The following KDM2B variants were observed in gnomAD, a reference collection of about 807,000 sequenced individuals.
KDM2B encodes lysine demethylase 2B.
In KDM2B, 26 loss-of-function variants were observed where a neutral mutation model predicts 150.0. That is an observed-to-expected ratio of 0.17 (90% CI 0.13 to 0.24). KDM2B has a LOEUF of 0.24. Ranked by LOEUF, KDM2B falls within the 10% of genes least tolerant of loss-of-function variation. KDM2B has a pLI of 1.00. For missense variants in KDM2B, 1,265 were observed against 1,816.9 expected (o/e 0.70, Z 5.52); for synonymous variants, 734 against 729.5 (o/e 1.01, Z -0.10).
chr12:121,476,276 C>T (rs1555296767), intron 12 of KDM2B, among the ~76,000 whole-genome samples: 1 of 150,938 alleles, frequency 6.6e-6, no homozygotes, highest in Admixed American at 6.6e-5. Flanking sequence ...GCCTGAAGGA[C>T]GAGGGCGAGA....
upstream of KDM2B, among the ~76,000 whole-genome samples, chr12:121,581,745 C>T (rs538977147): frequency 1.3e-5 from 2 of 152,306 alleles, no homozygotes; most frequent in African/African-American, 4.8e-5. Flanking sequence ...AATTATGAAT[C>T]TGAATGATTG....
rs1873390654 is a variant in KDM2B at position 121,433,334 on chromosome 12, G to GC, written c.3830-2866dup. 3 of 389,794 alleles carry GC rather than the reference G, an allele frequency of 7.7e-6. No individual in the cohort carries two copies. The Admixed American group carries it at 9.3e-5, about 12-fold the overall frequency. 24.1% of individuals were successfully genotyped at this position (389,794 alleles called of 1,614,324 possible). A position where few individuals can be genotyped will look rare whatever the true frequency, so the allele number is the denominator to read the frequency against. Reference sequence around the variant, plus strand: ...GCGCGTGGGGCCCGCCTGCCCGCCCGCCAGCCTGTGGAGGAACATCACTTT... The same window carrying GC: ...GCGCGTGGGGCCCGCCTGCCCGCCCGCCCAGCCTGTGGAGGAACATCACTTT... On this transcript the variant is annotated intron_variant, in intron 22 of 22. Transcript: ENST00000377071.
At position 121,453,970 on chromosome 12, in the gene KDM2B, C is replaced by T. The variant is rs1328048645; in HGVS notation, c.1735-626G>A. Reference sequence around the variant, plus strand: ...ACCTCCGTCTGCTCCCCAAGAAAGACCGCAAGGGGCCACACAATCGGTCTC... The same window carrying T: ...ACCTCCGTCTGCTCCCCAAGAAAGATCGCAAGGGGCCACACAATCGGTCTC... On this transcript the variant is annotated intron_variant, in intron 12 of 22. Coordinates refer to ENST00000377071, the MANE Select transcript of KDM2B (RefSeq NM_032590.5). This position sits in a 1 kb window ranked among gnomAD's most constrained non-coding sequence, Gnocchi z 6.4. 2.0e-5 allele frequency among the ~76,000 whole-genome samples: 3 copies of T among 152,160 alleles called. No homozygotes were observed. The highest frequency in any genetic ancestry group is 7.2e-5 in the African/African-American group (3 of 41,432).
At chr12:121,546,774 C>T (rs975532675) in intron 6 of KDM2B, among the ~76,000 whole-genome samples, 2 of 150,916 alleles carry the variant, frequency 1.3e-5, no homozygotes, top group South Asian at 2.1e-4. Flanking sequence ...GATGCCATCT[C>T]GGCTCACTGT....
At chr12:121,409,391 C>G in the KDM2B span, 1 of 152,134 alleles carries the variant, frequency 6.6e-6, no homozygotes, top group Non-Finnish European at 1.5e-5. Context: ...AGTATGTTGC[C>G]GAGGCATTAG....
intron 19 of KDM2B, among the ~76,000 whole-genome samples, chr12:121,441,602 AATTTTTTT>A (rs1555288325): frequency 6.6e-6 from 1 of 151,992 alleles, no homozygotes; most frequent in East Asian, 1.9e-4. Flanking sequence ...ACACCCGGCT[AATTTTTTT>A]ATTTTTAGTA....
intron 12 of KDM2B, among the ~76,000 whole-genome samples, chr12:121,481,221 C>A (rs1555297821): frequency 6.6e-6 from 1 of 152,128 alleles, no homozygotes; most frequent in African/African-American, 2.4e-5. Context: ...CCACCGGGCC[C>A]AGCCGATGAG....
intron 12 of KDM2B, among the ~76,000 whole-genome samples, chr12:121,479,146 C>CT (rs1881759338): frequency 6.6e-6 from 1 of 151,666 alleles, no homozygotes; most frequent in East Asian, 2.0e-4. Context: ...AATGTCGGGT[C>CT]TTTTTTTAAG....
At chr12:121,525,687 C>T (rs1887070845) in intron 8 of KDM2B, among the ~76,000 whole-genome samples, 1 of 152,192 alleles carries the variant, frequency 6.6e-6, no homozygotes. Flanking sequence ...ATCCAGTCCC[C>T]TTCCCTGCTT....
chr12:121,483,751 G>T (rs113055204), intron 12 of KDM2B, among the ~76,000 whole-genome samples: 1 of 152,016 alleles, frequency 6.6e-6, no homozygotes, highest in African/African-American at 2.4e-5. Flanking sequence ...ACAAAATGCA[G>T]AGTAGAATGC....
intron 11 of KDM2B, among the ~76,000 whole-genome samples, chr12:121,500,493 T>G (rs999427555): frequency 6.6e-6 from 1 of 152,222 alleles, no homozygotes; most frequent in South Asian, 2.1e-4. Flanking sequence ...TAGTTAACAA[T>G]GGATTCGGGT....
rs782278874 is a variant in KDM2B, at chr12:121,430,242, T to C, written c.*46A>G. The C allele has an allele frequency of 1.2e-6, 2 of 1,614,100 alleles. No individual in the cohort carries two copies. Among genetic ancestry groups the C allele is most frequent in the South Asian group, 1.1e-5 (1 of 91,086 alleles). The stretch of plus-strand genomic sequence containing the variant: ...TAAAAGCCCTCATTTTTGTAAAGTC[T>C]CTCCCCTCCCAGAGCCCGCCCCGTA... On this transcript the variant is annotated 3_prime_UTR_variant, in exon 23 of 23. Transcript: ENST00000377071. The surrounding 1 kb of genome is among the most constrained non-coding windows in gnomAD (Gnocchi z 4.4).
chr12:121,544,474 T>C (rs1450623969), intron 6 of KDM2B, among the ~76,000 whole-genome samples: 1 of 146,470 alleles, frequency 6.8e-6, no homozygotes, highest in Non-Finnish European at 1.5e-5. Context: ...GCCGGGTGTG[T>C]TGGTGCACAC....
chr12:121,536,497 G>A (rs903259515), intron 6 of KDM2B, among the ~76,000 whole-genome samples: 2 of 152,168 alleles, frequency 1.3e-5, no homozygotes, highest in Admixed American at 1.3e-4. Context: ...TGGGCCCAGC[G>A]GGGTCCCCGC....
Position 121,513,595 on chromosome 12 carries a change from G to A in KDM2B, c.1048-193C>T, listed in dbSNP as rs1355081389. On this transcript the variant is annotated intron_variant, in intron 9 of 22. Coordinates refer to ENST00000377071, the MANE Select transcript of KDM2B (RefSeq NM_032590.5). This position sits in a 1 kb window ranked among gnomAD's most constrained non-coding sequence, Gnocchi z 5.0. ...GGCAGCATGCACAAATGAGGCGGAG[G>A]ACGAGGCCCGCATGAGCGCCTCATC... 2.6e-5 allele frequency among the ~76,000 whole-genome samples: 4 copies of A among 152,128 alleles called. No homozygotes were observed. Among genetic ancestry groups the A allele is most frequent in the African/African-American group, 9.7e-5 (4 of 41,422 alleles).
chr12:121,514,764 C>T (rs1297224598), intron 9 of KDM2B, among the ~76,000 whole-genome samples: 2 of 133,104 alleles, frequency 1.5e-5, no homozygotes, highest in Non-Finnish European at 3.2e-5. Context: ...CCCCCATTCA[C>T]ACTCCCCATC....
intron 6 of KDM2B, among the ~76,000 whole-genome samples, chr12:121,546,379 C>CTTTTTTTTT (rs371614406): frequency 2.9e-4 from 28 of 97,476 alleles, no homozygotes; most frequent in East Asian, 6.9e-4. Context: ...TTTTTTTTGC[C>CTTTTTTTTT]TTTTTTTTTT....
intron 12 of KDM2B, among the ~76,000 whole-genome samples, chr12:121,458,277 G>A (rs1163044692): frequency 6.6e-6 from 1 of 152,122 alleles, no homozygotes; most frequent in East Asian, 1.9e-4. Context: ...TCAGGAGGCT[G>A]AAGCTGGAGA....
chr12:121,500,871 C>T (rs1003253525), intron 11 of KDM2B, among the ~76,000 whole-genome samples: 1 of 152,188 alleles, frequency 6.6e-6, no homozygotes, highest in Non-Finnish European at 1.5e-5. Flanking sequence ...GAGGCCGAGG[C>T]GGGCGGATCA....
Sources: gnomAD v4.1 joint callset for allele counts (sites outside exome capture counted in the v4.1 genomes callset) on GRCh38, gnomAD v4.1.1 for gene constraint, Gnocchi (gnomAD v3.1) non-coding constraint, MANE v1.5 for transcripts, NCBI Gene and HGNC (gene_info 2026-07-23, HGNC 2026-07-21) for gene names.